The following GJD4 variants were observed in gnomAD, a reference collection of about 807,000 sequenced individuals.
GJD4 encodes the protein gap junction delta-4 protein.
Under a neutral mutation model 17.9 loss-of-function variants are expected in GJD4, and 18 were observed. The ratio of observed to expected loss-of-function variants is 1.00; its 90% CI spans 0.69 to 1.49. The LOEUF (loss-of-function observed/expected upper bound fraction) is 1.49. Among genes scored for constraint, GJD4 ranks in the 40% most tolerant of loss-of-function variants. GJD4 has a pLI of 0.00. For synonymous variants in GJD4, 293 were observed against 236.8 expected, an observed-to-expected ratio of 1.24 and a Z score of -2.18; for missense variants, 639 against 506.9, an observed-to-expected ratio of 1.26 and a Z score of -2.50.
chr10:35,607,637 C>T lies in GJD4; in HGVS notation c.124C>T (p.Arg42Ter). The change falls in exon 2 of 2, where the codon CGA becomes TGA. Residue 42 changes from arginine (R) to a stop codon, truncating the protein, a stop_gained. Coordinates refer to ENST00000321660, the MANE Select transcript of GJD4 (RefSeq NM_153368.3). LOFTEE classifies it low-confidence loss of function (END_TRUNC). ...GATGCTGGTGATTGTCTTGGCGGGG[C>T]GACCCGTCTACCAGGACGAGCAGGA... ...LRMLVIVLAG[R>*]PVYQDEQERF... 3 of 1,613,652 alleles carry T rather than the reference C, an allele frequency of 1.9e-6. No homozygotes were observed. Among genetic ancestry groups the T allele is most frequent in the Non-Finnish European group, 2.5e-6 (3 of 1,179,946 alleles).
Position 35,605,447 on chromosome 10 carries a change from C to A in GJD4, c.-121C>A. 2 of 820,640 alleles carry A rather than the reference C, an allele frequency of 2.4e-6. No individual in the cohort carries two copies. The highest frequency in any genetic ancestry group is 4.2e-6 in the Non-Finnish European group (2 of 481,240). The allele number at this position is 820,640 out of a possible 1,614,324, so 50.8% of individuals were successfully genotyped here. On this transcript the variant is annotated 5_prime_UTR_variant, in exon 1 of 2. The change creates a premature stop within an existing upstream ORF in the 5' untranslated region. Transcript: ENST00000321660. ...CTCCTACTCCTGGCTCAGACCTTTGCTTTCTTATCTCCAGCTCACACCTTT... is the reference window on the plus strand; with the variant it reads ...CTCCTACTCCTGGCTCAGACCTTTGATTTCTTATCTCCAGCTCACACCTTT...
At chr10:35,605,769 A>C in intron 1 of GJD4, 138 bp downstream of exon 1, 1 of 676,444 alleles carries the variant, frequency 1.5e-6, no homozygotes, top group Non-Finnish European at 2.6e-6. Context: ...CCACTCCCAA[A>C]AGAAAGGGCT....
rs1231946306 is a variant in GJD4 at position 35,608,048 on chromosome 10, C to A, written c.535C>A (p.Pro179Thr). The A allele has an allele frequency of 6.2e-7, 1 of 1,610,262 alleles. No individual in the cohort carries two copies. The highest frequency in any genetic ancestry group is 2.2e-5 in the East Asian group (1 of 44,762). The change falls in exon 2 of 2, where the codon CCG becomes ACG. Residue 179 changes from proline (P) to threonine (T), a missense_variant. Transcript: ENST00000321660. ...GAAGAAGTTCCCTTGCACGCGCCCTCCGTGCACGGGCGTGGTGGACTGCTA... is the reference window on the plus strand; with the variant it reads ...GAAGAAGTTCCCTTGCACGCGCCCTACGTGCACGGGCGTGGTGGACTGCTA... The part of the protein sequence containing the change: ...APKKFPCTRP[P>T]CTGVVDCYVS...
intron 1 of GJD4, chr10:35,606,475 G>A (rs542311902): frequency 6.6e-6 from 1 of 152,308 alleles, no homozygotes; most frequent in Non-Finnish European, 1.5e-5. Context: ...TTTTCAGAGA[G>A]GTATGGGGGT....
chr10:35,608,626 A>G lies in GJD4; in HGVS notation c.1113A>G (p.Ter371TrpextTer14), dbSNP rs1295822644. 1.3e-6 allele frequency: 2 copies of G among 1,482,786 alleles called. No individual in the cohort carries two copies. Among genetic ancestry groups the G allele is most frequent in the Non-Finnish European group, 8.9e-7 (1 of 1,118,810 alleles). The allele number at this position is 1,482,786 out of a possible 1,614,324, so 91.9% of individuals were successfully genotyped here. A position where few individuals can be genotyped will look rare whatever the true frequency, so the allele number is the denominator to read the frequency against. ...HLRARKSEWV[*>W] ...GAGCCAGGAAGTCTGAGTGGGTGTG[A>G]AAAAAACAGCACCTGGCGGTGCCCC... Residue 371 changes from the stop codon to tryptophan (W), a stop_lost, in exon 2 of 2, where the codon TGA becomes TGG. Transcript: ENST00000321660.
At chr10:35,607,328 G>A in intron 1 of GJD4, 1 of 540,268 alleles carries the variant, frequency 1.9e-6, no homozygotes, top group South Asian at 2.3e-5. Context: ...GCTCATGCCT[G>A]TAATCCCAGC....
chr10:35,605,504 C>T lies in GJD4; in HGVS notation c.-64C>T, dbSNP rs1274671524. On this transcript the variant is annotated 5_prime_UTR_variant, in exon 1 of 2. Transcript: ENST00000321660. ...TATGTAGTTAAAGGACATTTATCCG[C>T]CTCCTTGGAGAACACAGCCCTCCAG... The T allele has an allele frequency of 7.9e-7, 1 of 1,266,394 alleles. No homozygotes were observed. The highest frequency in any genetic ancestry group is 1.5e-5 in the African/African-American group (1 of 68,116). The allele number at this position is 1,266,394 out of a possible 1,614,324, so 78.4% of individuals were successfully genotyped here. A position where few individuals can be genotyped will look rare whatever the true frequency, so the allele number is the denominator to read the frequency against.
In GJD4 at chr10:35,605,731, G is replaced by T; in HGVS notation, c.64+100G>T. On this transcript the variant is annotated intron_variant, in intron 1 of 1. Transcript: ENST00000321660. ...GGGTCCAGGTATTTACTCATTTTCA[G>T]TGTGCAAGCACCAAGCTGAAAGTCC... The T allele has an allele frequency of 7.3e-6, 7 of 960,348 alleles. No individual in the cohort carries two copies. The South Asian group carries it at 9.6e-5, about 13-fold the overall frequency. The allele number at this position is 960,348 out of a possible 1,614,324, so 59.5% of individuals were successfully genotyped here. A position where few individuals can be genotyped will look rare whatever the true frequency, so the allele number is the denominator to read the frequency against.
In GJD4 at chr10:35,608,780, A is replaced by G. The variant is rs2135488943; in HGVS notation, c.*154A>G. Reference sequence around the variant, plus strand: ...AATGAGACCCTCGTCTCTACAAAATATCTAAAAATTAGCTGGGCACAGTGG... The same window carrying G: ...AATGAGACCCTCGTCTCTACAAAATGTCTAAAAATTAGCTGGGCACAGTGG... On this transcript the variant is annotated 3_prime_UTR_variant, in exon 2 of 2. Transcript: ENST00000321660. 1.8e-6 allele frequency: 1 copy of G among 558,378 alleles called. No homozygotes were observed. The highest frequency in any genetic ancestry group is 2.0e-5 in the African/African-American group (1 of 50,220). The allele number at this position is 558,378 out of a possible 1,614,324, so 34.6% of individuals were successfully genotyped here.
In GJD4 at chr10:35,607,864, G is replaced by T; in HGVS notation, c.351G>T (p.Pro117=). Residue 117 remains proline, a synonymous_variant, in exon 2 of 2, where the codon CCG becomes CCT. Transcript: ENST00000321660. ...GPRRCPDPRE[P]ASGQRRCPRP... is the part of the protein sequence containing the mutation. ...GCCGCTGCCCCGACCCCCGGGAGCC[G>T]GCCTCCGGGCAGAGACGCTGCCCGC... The T allele has an allele frequency of 6.3e-7, 1 of 1,597,418 alleles. No homozygotes were observed. Among genetic ancestry groups the T allele is most frequent in the Non-Finnish European group, 8.5e-7 (1 of 1,176,912 alleles).
In GJD4 at chr10:35,605,370, C is replaced by A. The variant is rs1486169111; in HGVS notation, c.-198C>A. 2.1e-5 allele frequency: 13 copies of A among 620,322 alleles called. No individual in the cohort carries two copies. In the Admixed American group the frequency reaches 3.7e-4, roughly 18 times the overall value. 38.4% of individuals were successfully genotyped at this position (620,322 alleles called of 1,614,324 possible). On this transcript the variant is annotated 5_prime_UTR_variant, in exon 1 of 2. Coordinates refer to ENST00000321660, the MANE Select transcript of GJD4 (RefSeq NM_153368.3). ...ACTGCAGTTGTCAGGAATGTTTCGC[C>A]TCAGAGGCAAACGGCTTAGGGCCGT...
Position 35,607,834 on chromosome 10 carries a change from C to T in GJD4, c.321C>T (p.Gly107=), listed in dbSNP as rs558730235. 1.2e-6 allele frequency: 2 copies of T among 1,600,844 alleles called. No individual in the cohort carries two copies. Among genetic ancestry groups the T allele is most frequent in the Non-Finnish European group, 1.7e-6 (2 of 1,179,242 alleles). The part of the protein sequence containing the change: ...LHRGATLAAL[G]PRRCPDPREP... Reference sequence around the variant, plus strand: ...GAGGAGCCACGCTCGCCGCGCTGGGCCCCCGCCGCTGCCCCGACCCCCGGG... The same window carrying T: ...GAGGAGCCACGCTCGCCGCGCTGGGTCCCCGCCGCTGCCCCGACCCCCGGG... The change falls in exon 2 of 2, where the codon GGC becomes GGT. Residue 107 remains glycine, a synonymous_variant. Coordinates refer to ENST00000321660, the MANE Select transcript of GJD4 (RefSeq NM_153368.3).
chr10:35,608,148 G>A lies in GJD4; in HGVS notation c.635G>A (p.Gly212Asp). ...GTCAGCGCGCTGTCTTTTCTGCTGGGCCTCGCCGACCTGGTCTGCAGCCTG... is the reference window on the plus strand; with the variant it reads ...GTCAGCGCGCTGTCTTTTCTGCTGGACCTCGCCGACCTGGTCTGCAGCCTG... ...WAVSALSFLL[G>D]LADLVCSLRR... The change falls in exon 2 of 2, where the codon GGC (glycine) becomes GAC (aspartate). Residue 212 changes from glycine (G) to aspartate (D), a missense_variant. Physicochemically the swap from Gly to Asp is moderately conservative, Grantham distance 94. Coordinates refer to ENST00000321660, the MANE Select transcript of GJD4 (RefSeq NM_153368.3). 1 of 1,607,070 alleles carries A rather than the reference G, an allele frequency of 6.2e-7. No individual in the cohort carries two copies. The highest frequency in any genetic ancestry group is 8.5e-7 in the Non-Finnish European group (1 of 1,178,418).
At position 35,608,304 on chromosome 10, in the gene GJD4, C is replaced by T. The variant is rs1835490093; in HGVS notation, c.791C>T (p.Ala264Val). Residue 264 changes from alanine (A) to valine (V), a missense_variant, in exon 2 of 2, where the codon GCG (alanine) becomes GTG (valine). Ala to Val is a moderately conservative substitution (Grantham distance 64). Coordinates refer to ENST00000321660, the MANE Select transcript of GJD4 (RefSeq NM_153368.3). ...GGGCGGGAGGAAGAGGGGGCACCGG[C>T]GCCCCCGGGTGCACGCGCCGGAGGG... is the stretch of plus-strand genomic sequence containing the variant. The part of the protein sequence containing the change: ...EGGREEEGAP[A>V]PPGARAGGEG... 1.9e-6 allele frequency: 3 copies of T among 1,548,146 alleles called. No homozygotes were observed. Among genetic ancestry groups the T allele is most frequent in the South Asian group, 1.2e-5 (1 of 84,192 alleles).
At chr10:35,606,807 C>T (rs1421524553) in intron 1 of GJD4, 1 of 151,972 alleles carries the variant, frequency 6.6e-6, no homozygotes, top group Non-Finnish European at 1.5e-5. Context: ...CATTCCTTCA[C>T]GATACATTGA....
At position 35,607,948 on chromosome 10, in the gene GJD4, C is replaced by T; in HGVS notation, c.435C>T (p.Ile145=). The change falls in exon 2 of 2, where the codon ATC becomes ATT. Residue 145 remains isoleucine (I), a synonymous_variant. Coordinates refer to ENST00000321660, the MANE Select transcript of GJD4 (RefSeq NM_153368.3). ...CCGACTTTTCGGCCGGCTACATCAT[C>T]CACCTCCTCCTCCGGACCCTGCTGG... ...QVPDFSAGYI[I]HLLLRTLLEA... is the part of the protein sequence containing the mutation. The T allele has an allele frequency of 6.2e-7, 1 of 1,609,642 alleles. No homozygotes were observed. Among genetic ancestry groups the T allele is most frequent in the Non-Finnish European group, 8.5e-7 (1 of 1,179,230 alleles).
Position 35,605,585 on chromosome 10 carries a change from G to A in GJD4, c.18G>A (p.Leu6=). Residue 6 remains leucine (L), a synonymous_variant, in exon 1 of 2, where the codon TTG becomes TTA. Coordinates refer to ENST00000321660, the MANE Select transcript of GJD4 (RefSeq NM_153368.3). MEGVD[L]LGFLIITLNC... is the part of the protein sequence containing the mutation. ...CTGGAAGCATGGAAGGCGTGGACTTGCTAGGGTTTCTCATCATCACATTAA... is the reference window on the plus strand; with the variant it reads ...CTGGAAGCATGGAAGGCGTGGACTTACTAGGGTTTCTCATCATCACATTAA... 6.2e-7 allele frequency: 1 copy of A among 1,614,072 alleles called. No individual in the cohort carries two copies. Among genetic ancestry groups the A allele is most frequent in the Non-Finnish European group, 8.5e-7 (1 of 1,179,938 alleles).
rs989993440 is a variant in GJD4, at chr10:35,605,483, T to C, written c.-85T>C. The stretch of plus-strand genomic sequence containing the variant: ...CCAGCTCACACCTTTAAGTCTTATG[T>C]AGTTAAAGGACATTTATCCGCCTCC... On this transcript the variant is annotated 5_prime_UTR_variant, in exon 1 of 2. The change abolishes the stop of an existing upstream ORF in the 5' untranslated region. Coordinates refer to ENST00000321660, the MANE Select transcript of GJD4 (RefSeq NM_153368.3). The C allele has an allele frequency of 5.0e-5, 51 of 1,018,994 alleles. No homozygotes were observed. In the South Asian group the frequency reaches 6.3e-4, roughly 12 times the overall value. 63.1% of individuals were successfully genotyped at this position (1,018,994 alleles called of 1,614,324 possible).
At chr10:35,606,378 C>T (rs1444133274) in intron 1 of GJD4, 1 of 152,132 alleles carries the variant, frequency 6.6e-6, no homozygotes, top group African/African-American at 2.4e-5. Context: ...AGCCATTTCT[C>T]TTGTGCACTT....
Sources: allele counts gnomAD v4.1 joint callset, GRCh38; gene constraint gnomAD v4.1.1; transcripts MANE v1.5; gene names NCBI Gene and HGNC (gene_info 2026-07-23, HGNC 2026-07-21).